ZNF438: variants seen among roughly 807,000 people sequenced by gnomAD.
The protein encoded by ZNF438 is zinc finger protein 438.
ZNF438 carries 25 observed loss-of-function variants against 38.0 expected under a neutral mutation model. The observed-to-expected ratio is 0.66, with a 90% CI of 0.48 to 0.92. The LOEUF is 0.92. Among genes scored for constraint, ZNF438 ranks in the 40% least tolerant of loss-of-function variants. ZNF438 has a pLI of 0.00. For synonymous variants in ZNF438, 372 were observed against 364.1 expected (o/e 1.02, Z -0.25); for missense variants, 1,007 against 999.6 (o/e 1.01, Z -0.10).
chr10:31,004,078 C>T lies in ZNF438; in HGVS notation c.-192+27755G>A, dbSNP rs142857376. On this transcript the variant is annotated intron_variant, in intron 1 of 5. Coordinates refer to ENST00000413025, the Ensembl canonical transcript of ZNF438. ...TCTCAATGGGGGGTGATTTTATGCA[C>T]CCAGGAGACATCTGGCAATATCTGG... 1.8e-4 allele frequency among the ~76,000 whole-genome samples: 27 copies of T among 152,246 alleles called. 2 individuals are homozygous for T. Among genetic ancestry groups the T allele is most frequent in the African/African-American group, 5.5e-4 (23 of 41,538 alleles).
chr10:30,996,505 C>G (rs541760401), intron 1 of ZNF438, among the ~76,000 whole-genome samples: 25 of 152,056 alleles, frequency 1.6e-4, no homozygotes, highest in African/African-American at 6.0e-4. Context: ...TTCATAATGA[C>G]AGAAGGGTCA....
intron 4 of ZNF438, among the ~76,000 whole-genome samples, chr10:30,858,470 T>C (rs531429780): frequency 6.6e-6 from 1 of 152,226 alleles, no homozygotes; most frequent in African/African-American, 2.4e-5. Context: ...TTGCCTACCC[T>C]CTCCCCAAGC....
chr10:30,948,584 C>G (rs1356385700), intron 1 of ZNF438, among the ~76,000 whole-genome samples: 3 of 149,938 alleles, frequency 2.0e-5, no homozygotes, highest in African/African-American at 7.3e-5. Flanking sequence ...AACCAAGGCT[C>G]GAGAACTACG....
chr10:30,903,753 A>C (rs950266910), intron 3 of ZNF438, among the ~76,000 whole-genome samples: 2 of 152,234 alleles, frequency 1.3e-5, no homozygotes, highest in Admixed American at 6.5e-5. Context: ...TAGACCATGT[A>C]ACCTTCAAGT....
intron 3 of ZNF438, among the ~76,000 whole-genome samples, chr10:30,885,682 G>A (rs908238079): frequency 1.3e-5 from 2 of 152,036 alleles, no homozygotes; most frequent in Admixed American, 6.6e-5. Context: ...CTCTCCCTCT[G>A]CCCCTCATCC....
At chr10:30,902,778 G>A (rs1057427883) in intron 3 of ZNF438, among the ~76,000 whole-genome samples, 1 of 152,218 alleles carries the variant, frequency 6.6e-6, no homozygotes, top group African/African-American at 2.4e-5. Context: ...GGCCGCAGGT[G>A]GAGCTGCCTG....
At chr10:30,966,563 G>C (rs1468174427) in intron 1 of ZNF438, among the ~76,000 whole-genome samples, 1 of 151,520 alleles carries the variant, frequency 6.6e-6, no homozygotes, top group Non-Finnish European at 1.5e-5. Context: ...TCAGCTACTC[G>C]GGAGGCTGAG....
chr10:30,869,425 G>T (rs141265289), intron 4 of ZNF438, among the ~76,000 whole-genome samples: 1 of 151,546 alleles, frequency 6.6e-6, no homozygotes, highest in East Asian at 1.9e-4. Flanking sequence ...AAGAAATACA[G>T]CTATTTTAAA....
At chr10:31,017,575 G>C (rs1403021543) in intron 1 of ZNF438, among the ~76,000 whole-genome samples, 1 of 152,176 alleles carries the variant, frequency 6.6e-6, no homozygotes, top group African/African-American at 2.4e-5. Flanking sequence ...GATTTAATCT[G>C]GTCATAGATA....
Position 30,986,692 on chromosome 10 carries a change from A to C in ZNF438, c.-191-45041T>G, listed in dbSNP as rs973089961. ...ATTATATACTTATTGAGTATCCCTA[A>C]TCCAAAAATCTGAAATCCAAAATGC... On this transcript the variant is annotated intron_variant, in intron 1 of 5. Transcript: ENST00000413025. Among the ~76,000 whole-genome samples the C allele has an allele frequency of 3.3e-5, 5 of 152,254 alleles. No individual in the cohort carries two copies. In the South Asian group the frequency reaches 8.3e-4, roughly 25 times the overall value.
chr10:31,007,276 GTTTTT>G (rs60434764), intron 1 of ZNF438, among the ~76,000 whole-genome samples: 2 of 112,386 alleles, frequency 1.8e-5, no homozygotes, highest in African/African-American at 3.6e-5. Flanking sequence ...TTTTTTTGGT[GTTTTT>G]TTTTTTTTTT....
At chr10:30,973,677 T>A (rs1390960664) in intron 1 of ZNF438, among the ~76,000 whole-genome samples, 1 of 152,214 alleles carries the variant, frequency 6.6e-6, no homozygotes, top group East Asian at 1.9e-4. Flanking sequence ...TTTTTAGTCC[T>A]CAATGTGATG....
intron 1 of ZNF438, among the ~76,000 whole-genome samples, chr10:30,969,042 T>C (rs2050455432): frequency 6.6e-6 from 1 of 152,188 alleles, no homozygotes; most frequent in African/African-American, 2.4e-5. Context: ...GCATTTCCAA[T>C]GTGACACATT....
chr10:30,921,764 C>T (rs1301271059), intron 2 of ZNF438, among the ~76,000 whole-genome samples: 1 of 152,170 alleles, frequency 6.6e-6, no homozygotes, highest in Non-Finnish European at 1.5e-5. Flanking sequence ...TGCTCTAATG[C>T]TTCTTAAGAG....
intron 2 of ZNF438, among the ~76,000 whole-genome samples, chr10:30,936,571 G>T (rs1029779142): frequency 6.6e-6 from 1 of 152,198 alleles, no homozygotes; most frequent in Non-Finnish European, 1.5e-5. Context: ...CTACTCAAGA[G>T]GCTGAGGCAG....
chr10:30,894,525 A>G (rs1190155618), intron 3 of ZNF438, among the ~76,000 whole-genome samples: 1 of 152,170 alleles, frequency 6.6e-6, no homozygotes, highest in East Asian at 1.9e-4. Context: ...ATGCTGGAGG[A>G]CAGCGATCAG....
intron 3 of ZNF438, among the ~76,000 whole-genome samples, chr10:30,898,703 T>C (rs917663517): frequency 6.6e-6 from 1 of 152,154 alleles, no homozygotes; most frequent in Non-Finnish European, 1.5e-5. Flanking sequence ...TTTCAAGTAG[T>C]CTTTTTTTCA....
At chr10:31,001,075 C>T (rs1420068963) in intron 1 of ZNF438, among the ~76,000 whole-genome samples, 1 of 152,166 alleles carries the variant, frequency 6.6e-6, no homozygotes, top group African/African-American at 2.4e-5. Flanking sequence ...CTCTACAACC[C>T]ATTGCACTCA....
exon 5 of ZNF438, chr10:30,850,127 G>A (rs1354458093): frequency 6.2e-7 from 1 of 1,614,172 alleles, no homozygotes; most frequent in South Asian, 1.1e-5. Context: ...AGCAACAAGA[G>A]AAAATGTCCC....
Sources: allele counts gnomAD v4.1 joint callset (sites outside exome capture counted in the v4.1 genomes callset), GRCh38; gene constraint gnomAD v4.1.1; transcripts MANE v1.5; gene names NCBI Gene and HGNC (gene_info 2026-07-23, HGNC 2026-07-21).